TNPO3: variants seen among roughly 807,000 people sequenced by gnomAD.
TNPO3 encodes the protein transportin 3, also known as transportin-3.
Under a neutral mutation model 122.8 loss-of-function variants are expected in TNPO3, and 65 were observed. The ratio of observed to expected loss-of-function variants is 0.53; its 90% CI spans 0.43 to 0.65. The LOEUF (loss-of-function observed/expected upper bound fraction) is 0.65, where lower values mean the gene tolerates loss of function less well. Ranked by LOEUF, TNPO3 falls within the 30% of genes least tolerant of loss-of-function variation. The pLI is 0.00. For missense variants in TNPO3, 850 were observed against 1,136.7 expected (o/e 0.75, Z 3.63); for synonymous variants, 372 against 411.2 (o/e 0.90, Z 1.15).
At chr7:128,999,901 C>T (rs1195931624) in intron 7 of TNPO3, among the ~76,000 whole-genome samples, 1 of 152,160 alleles carries the variant, frequency 6.6e-6, no homozygotes, top group Non-Finnish European at 1.5e-5. Flanking sequence ...GTGTGAGCCA[C>T]CAACCCCGAC....
chr7:128,993,445 C>T (rs948108688), intron 9 of TNPO3, among the ~76,000 whole-genome samples: 1 of 152,118 alleles, frequency 6.6e-6, no homozygotes, highest in Non-Finnish European at 1.5e-5. Context: ...GGAGTTGGTA[C>T]GTAATTACTA....
At chr7:128,957,097 T>A in intron 22 of TNPO3, 127 bp downstream of exon 22, 1 of 795,442 alleles carries the variant, frequency 1.3e-6, no homozygotes, top group South Asian at 1.6e-5. Context: ...ACAGTTAAAC[T>A]GCTGAGTCCT....
intron 1 of TNPO3, among the ~76,000 whole-genome samples, chr7:129,022,797 A>G (rs1013894199): frequency 2.0e-5 from 3 of 152,208 alleles, no homozygotes; most frequent in African/African-American, 7.2e-5. Flanking sequence ...TTTCAATTAT[A>G]AAGGCCAGAA....
intron 1 of TNPO3, among the ~76,000 whole-genome samples, chr7:129,045,177 T>TTTC (rs1807873523): frequency 2.6e-5 from 4 of 152,292 alleles, no homozygotes; most frequent in Admixed American, 2.6e-4. Context: ...GAAAGTAGAA[T>TTTC]GGTGGTTGCC....
rs1805935372 is a variant in TNPO3 at position 129,031,395 on chromosome 7, G to A, written c.121-13238C>T. On this transcript the variant is annotated intron_variant, in intron 1 of 22. Coordinates refer to ENST00000265388, the MANE Select transcript of TNPO3 (RefSeq NM_012470.4). The stretch of plus-strand genomic sequence containing the variant: ...ACTACCAATTTTACAGAAATAAAAA[G>A]GGTTATAAAAAGTATTATGAACAAA... 2.0e-5 allele frequency among the ~76,000 whole-genome samples: 3 copies of A among 152,058 alleles called. No homozygotes were observed. In the South Asian group the frequency reaches 6.2e-4, roughly 32 times the overall value.
chr7:128,984,369 T>C (rs1799933964), intron 12 of TNPO3, 110 bp from the exon 13 acceptor site: 2 of 604,784 alleles, frequency 3.3e-6, no homozygotes, highest in South Asian at 2.7e-5. Context: ...GGTTCCATTC[T>C]TTTAAAAAGA....
chr7:128,972,295 T>C, intron 19 of TNPO3, 131 bp downstream of exon 19: 2 of 1,042,526 alleles, frequency 1.9e-6, no homozygotes, highest in Non-Finnish European at 2.7e-6. Context: ...TAGTGAATGA[T>C]CCACTATGAT....
At chr7:129,003,345 A>T (rs1802213448) in intron 5 of TNPO3, among the ~76,000 whole-genome samples, 1 of 142,658 alleles carries the variant, frequency 7.0e-6, no homozygotes, top group Non-Finnish European at 1.5e-5. Flanking sequence ...AAGTTGTACC[A>T]GAAAGTCATG....
At chr7:128,982,362 A>G in intron 13 of TNPO3, 38 bp from the exon 14 acceptor site, 1 of 1,577,696 alleles carries the variant, frequency 6.3e-7, no homozygotes, top group Non-Finnish European at 8.7e-7. Flanking sequence ...CAATTGTCAC[A>G]TGTACAAATC....
intron 1 of TNPO3, among the ~76,000 whole-genome samples, chr7:129,046,893 C>T (rs991829346): frequency 5.3e-5 from 8 of 152,076 alleles, no homozygotes. Context: ...TGAGGGAACC[C>T]CCCATCATGA....
chr7:128,999,613 CTT>C (rs146907593), intron 7 of TNPO3, among the ~76,000 whole-genome samples: 114 of 139,228 alleles, frequency 8.2e-4, no homozygotes, highest in Non-Finnish European at 7.5e-4. Flanking sequence ...TTCTTTCTCA[CTT>C]TTTTTTTTTT....
chr7:128,958,137 CTTTTTTTTTT>C (rs55683535), intron 21 of TNPO3, among the ~76,000 whole-genome samples: 1 of 96,202 alleles, frequency 1.0e-5, no homozygotes, highest in Non-Finnish European at 1.9e-5. Flanking sequence ...GAAGCACTTC[CTTTTTTTTTT>C]TTTTTTTTTT....
At chr7:129,014,058 C>A (rs1340556782) in intron 4 of TNPO3, among the ~76,000 whole-genome samples, 7 of 152,066 alleles carry the variant, frequency 4.6e-5, no homozygotes, top group Non-Finnish European at 2.9e-5. Context: ...TGTTACACAG[C>A]AAAACAGAGT....
At chr7:129,025,570 C>T (rs1805050085) in intron 1 of TNPO3, among the ~76,000 whole-genome samples, 1 of 151,804 alleles carries the variant, frequency 6.6e-6, no homozygotes, top group South Asian at 2.1e-4. Flanking sequence ...CAGTAAAGTT[C>T]TATTTCTTTT....
chr7:128,957,285 G>A lies in TNPO3; in HGVS notation c.2742C>T (p.Ala914=). ...GAAACAACCTGGTGAAGTCTCGCAAGGCCCAGCAAACTTGTTTACATTCCT... is the reference window on the plus strand; with the variant it reads ...GAAACAACCTGGTGAAGTCTCGCAAAGCCCAGCAAACTTGTTTACATTCCT... The part of the protein sequence containing the change: ...SAEECKQVCW[A]LRDFTRLFR Residue 914 remains alanine, a synonymous_variant, in exon 22 of 23, where the codon GCC becomes GCT. Coordinates refer to ENST00000265388, the MANE Select transcript of TNPO3 (RefSeq NM_012470.4). 6.2e-7 allele frequency: 1 copy of A among 1,614,108 alleles called. No individual in the cohort carries two copies. Among genetic ancestry groups the A allele is most frequent in the Non-Finnish European group, 8.5e-7 (1 of 1,179,972 alleles).
chr7:129,029,643 C>T (rs1222664716), intron 1 of TNPO3: 1 of 152,176 alleles, frequency 6.6e-6, no homozygotes, highest in Non-Finnish European at 1.5e-5. Context: ...CAAGTATTTT[C>T]CACCAGACTC....
intron 1 of TNPO3, 62 bp downstream of exon 1, chr7:129,054,589 G>A: frequency 6.2e-7 from 1 of 1,600,244 alleles, no homozygotes; most frequent in Non-Finnish European, 8.5e-7. Context: ...GTTCTCCCCC[G>A]GAGCCTAGGT....
At position 128,997,395 on chromosome 7, in the gene TNPO3, T is replaced by C. The variant is rs1412251495; in HGVS notation, c.1152A>G (p.Pro384=). The C allele has an allele frequency of 1.2e-6, 2 of 1,614,156 alleles. No individual in the cohort carries two copies. Among genetic ancestry groups the C allele is most frequent in the Admixed American group, 1.7e-5 (1 of 60,010 alleles). ...HALARHCQLE[P]DHEGVPEETD... ...GGTAGAGAAGGGAACTTACATGGTC[T>C]GGTTCCAGCTGGCAGTGTCGAGCCA... Residue 384 remains proline, a synonymous_variant, in exon 8 of 23, where the codon CCA becomes CCG. Coordinates refer to ENST00000265388, the MANE Select transcript of TNPO3 (RefSeq NM_012470.4).
intron 1 of TNPO3, among the ~76,000 whole-genome samples, chr7:129,035,614 G>A (rs752405307): frequency 5.9e-5 from 9 of 151,684 alleles, no homozygotes; most frequent in Admixed American, 2.0e-4. Context: ...AGACCACGTC[G>A]GGGGGAAAAA....
Sources: gnomAD v4.1 joint callset for allele counts (sites outside exome capture counted in the v4.1 genomes callset) on GRCh38, gnomAD v4.1.1 for gene constraint, MANE v1.5 for transcripts, NCBI Gene and HGNC (gene_info 2026-07-23, HGNC 2026-07-21) for gene names.